The following KIF16B variants were observed in gnomAD, a reference collection of about 807,000 sequenced individuals.
KIF16B encodes kinesin-like protein KIF16B.
KIF16B carries 98 observed loss-of-function variants against 156.3 expected under a neutral mutation model. The ratio of observed to expected loss-of-function variants is 0.63; its 90% CI spans 0.53 to 0.74. The LOEUF is 0.74. Ranked by LOEUF, KIF16B falls within the 30% of genes least tolerant of loss-of-function variation. The probability of loss-of-function intolerance (pLI) is 0.00; values close to 1 mark genes in which losing one functional copy is unlikely to be tolerated. For synonymous variants in KIF16B, 564 were observed against 583.7 expected, an observed-to-expected ratio of 0.97 and a Z score of 0.49; for missense variants, 1,421 against 1,606.5, an observed-to-expected ratio of 0.88 and a Z score of 1.97.
At position 16,506,183 on chromosome 20, in the gene KIF16B, A is replaced by C; in HGVS notation, c.707T>G (p.Phe236Cys). 6.2e-7 allele frequency: 1 copy of C among 1,614,054 alleles called. No individual in the cohort carries two copies. ...GGTTTCACATGGCATTTCAGAATCA[A>C]ATTTAGCCTGTGGTAAAATAAAAAA... The part of the protein sequence containing the change: ...IFTIKFTQAK[F>C]DSEMPCETVS... Residue 236 changes from phenylalanine to cysteine, a missense_variant, in exon 8 of 26, where the codon TTT becomes TGT. Physicochemically the swap from Phe to Cys is radical, Grantham distance 205. Coordinates refer to ENST00000354981, the MANE Select transcript of KIF16B (RefSeq NM_024704.5).
rs575089207 is a variant in KIF16B at position 16,326,948 on chromosome 20, A to G, written c.3711+8978T>C. 1.9e-4 allele frequency among the ~76,000 whole-genome samples: 29 copies of G among 149,270 alleles called. No individual in the cohort carries two copies. The South Asian group carries it at 3.4e-3, about 18-fold the overall frequency. On this transcript the variant is annotated intron_variant, in intron 24 of 25. Coordinates refer to ENST00000354981, the MANE Select transcript of KIF16B (RefSeq NM_024704.5). The stretch of plus-strand genomic sequence containing the variant: ...GCCCAAATGCCCATCAACCAAGTGG[A>G]TAAAGAAAATGTTATATATATATAT...
chr20:16,483,820 C>T (rs1176102047), intron 12 of KIF16B, among the ~76,000 whole-genome samples: 1 of 152,270 alleles, frequency 6.6e-6, no homozygotes, highest in East Asian at 1.9e-4. Context: ...GCTCCACCAA[C>T]CACCCCCTCC....
At position 16,361,393 on chromosome 20, in the gene KIF16B, T is replaced by C. The variant is rs115331628; in HGVS notation, c.3499-4941A>G. Among the ~76,000 whole-genome samples, 582 of 152,360 alleles carry C rather than the reference T, an allele frequency of 3.8e-3. 2 individuals carry two copies. Among genetic ancestry groups the C allele is most frequent in the African/African-American group, 0.013 (532 of 41,582 alleles). ...CAGGAACAAGCACAAATGATGTATA[T>C]GGTAAATAACCAGACAGGTTCCTAT... On this transcript the variant is annotated intron_variant, in intron 22 of 25. Coordinates refer to ENST00000354981, the MANE Select transcript of KIF16B (RefSeq NM_024704.5).
intron 12 of KIF16B, among the ~76,000 whole-genome samples, chr20:16,437,702 ATATACT>A (rs1180704658): frequency 6.6e-6 from 1 of 152,236 alleles, no homozygotes; most frequent in African/African-American, 2.4e-5. Flanking sequence ...TAGGCAAAAA[ATATACT>A]TATGTTTCCT....
At chr20:16,520,832 G>A (rs1482453456) in intron 3 of KIF16B, among the ~76,000 whole-genome samples, 1 of 152,164 alleles carries the variant, frequency 6.6e-6, no homozygotes, top group African/African-American at 2.4e-5. Flanking sequence ...CCAGAGGAAG[G>A]AACAGGCAGC....
intron 1 of KIF16B, among the ~76,000 whole-genome samples, chr20:16,560,187 GA>G (rs1413352381): frequency 6.6e-6 from 1 of 152,178 alleles, no homozygotes; most frequent in African/African-American, 2.4e-5. Flanking sequence ...CTCGTCAAAT[GA>G]AAACACCAAC....
At chr20:16,531,023 T>G (rs1361889280) in intron 1 of KIF16B, among the ~76,000 whole-genome samples, 1 of 152,088 alleles carries the variant, frequency 6.6e-6, no homozygotes, top group Non-Finnish European at 1.5e-5. Context: ...TTTAAGCCCC[T>G]AAGTTTTGGG....
chr20:16,474,330 A>G (rs1175261026), intron 12 of KIF16B, among the ~76,000 whole-genome samples: 2 of 152,206 alleles, frequency 1.3e-5, no homozygotes, highest in Non-Finnish European at 2.9e-5. Flanking sequence ...TTCCTAACAT[A>G]GAATAACGAA....
chr20:16,466,559 G>A (rs2067496207), intron 12 of KIF16B, among the ~76,000 whole-genome samples: 2 of 152,174 alleles, frequency 1.3e-5, no homozygotes, highest in South Asian at 4.1e-4. Context: ...CCCTACACAT[G>A]CTCTCTTGCC....
At chr20:16,287,303 A>G (rs2063237558) in intron 25 of KIF16B, among the ~76,000 whole-genome samples, 1 of 152,246 alleles carries the variant, frequency 6.6e-6, no homozygotes, top group Non-Finnish European at 1.5e-5. Flanking sequence ...TTTCTAATGA[A>G]TAATTCTTAG....
intron 1 of KIF16B, among the ~76,000 whole-genome samples, chr20:16,546,914 T>C (rs565402799): frequency 1.3e-5 from 2 of 152,036 alleles, no homozygotes; most frequent in East Asian, 1.9e-4. Context: ...GTAGCTGGGA[T>C]TACAGATGCC....
chr20:16,441,614 T>A lies in KIF16B; in HGVS notation c.1303-11632A>T, dbSNP rs73898754. ...CCACACCAGATCCTCTGAATGAGCA[T>A]CTCAGGAGCAGGATCCAGGCATTTT... On this transcript the variant is annotated intron_variant, in intron 12 of 25. Coordinates refer to ENST00000354981, the MANE Select transcript of KIF16B (RefSeq NM_024704.5). 4.5e-3 allele frequency among the ~76,000 whole-genome samples: 678 copies of A among 152,302 alleles called. 3 individuals carry two copies. The highest frequency in any genetic ancestry group is 0.024 in the Middle Eastern group (7 of 294).
intron 15 of KIF16B, among the ~76,000 whole-genome samples, chr20:16,417,143 A>G (rs1360819110): frequency 6.6e-6 from 1 of 152,208 alleles, no homozygotes; most frequent in African/African-American, 2.4e-5. Flanking sequence ...CAGAAAGTGC[A>G]GGAGAGATGA....
chr20:16,288,498 G>A (rs111725898), intron 25 of KIF16B, among the ~76,000 whole-genome samples: 92 of 137,590 alleles, frequency 6.7e-4, no homozygotes, highest in Middle Eastern at 9.8e-3. Context: ...GTATGTACTG[G>A]TGATAAGGTT....
At chr20:16,561,837 A>G (rs2071075222) in intron 1 of KIF16B, among the ~76,000 whole-genome samples, 1 of 152,262 alleles carries the variant, frequency 6.6e-6, no homozygotes, top group Admixed American at 6.5e-5. Context: ...TCTAAAAAAT[A>G]ACTGACCAGT....
chr20:16,566,817 C>A (rs1305020151), intron 1 of KIF16B, among the ~76,000 whole-genome samples: 2 of 152,206 alleles, frequency 1.3e-5, no homozygotes, highest in Non-Finnish European at 2.9e-5. Context: ...GTGCCTAATG[C>A]AATTAACTAA....
intron 2 of KIF16B, among the ~76,000 whole-genome samples, chr20:16,527,839 A>G (rs12106174): frequency 0.15 from 22,208 of 152,124 alleles, 1,743 homozygotes; most frequent in East Asian, 0.34. Flanking sequence ...AACAAACAGG[A>G]TATTTTTCAG....
chr20:16,409,990 TATGTAGGTAC>T (rs1370381049), intron 15 of KIF16B, among the ~76,000 whole-genome samples: 15 of 121,056 alleles, frequency 1.2e-4, no homozygotes, highest in African/African-American at 1.9e-4. Flanking sequence ...TATATATATA[TATGTAGGTAC>T]ATATATATAT....
In KIF16B at chr20:16,374,279, GGT is replaced by G. The variant is rs1568903009; in HGVS notation, c.3326_3327del (p.His1109ProfsTer14). 1 of 1,596,490 alleles carries G rather than the reference GGT, an allele frequency of 6.3e-7. No individual in the cohort carries two copies. On this transcript the variant is annotated frameshift_variant, in exon 20 of 26. Coordinates refer to ENST00000354981, the MANE Select transcript of KIF16B (RefSeq NM_024704.5). LOFTEE classifies it high-confidence loss of function. Reference protein sequence around the residue: ...SSLPVSAEKSHLVPLMDARIN... With the variant: ...SSLPVSAEKSXLVPLMDARIN... ...TACCTGGCATCCATGAGGGGAACCA[GGT>G]GTGATTTTTCAGCACTGACTGGCAA... is the stretch of plus-strand genomic sequence containing the variant.
Sources: gnomAD v4.1 joint callset for allele counts (sites outside exome capture counted in the v4.1 genomes callset) on GRCh38, gnomAD v4.1.1 for gene constraint, MANE v1.5 for transcripts, NCBI Gene and HGNC (gene_info 2026-07-23, HGNC 2026-07-21) for gene names.